MED1: variants seen among roughly 807,000 people sequenced by gnomAD.
MED1 encodes the protein mediator of RNA polymerase II transcription subunit 1.
Under a neutral mutation model 121.3 loss-of-function variants are expected in MED1, and 17 were observed. That is an observed-to-expected ratio of 0.14 (90% CI 0.10 to 0.21). MED1 has a LOEUF of 0.21. Among genes scored for constraint, MED1 ranks in the 10% least tolerant of loss-of-function variants. The pLI is 1.00. For synonymous variants in MED1, 661 were observed against 694.4 expected (o/e 0.95, Z 0.76); for missense variants, 1,558 against 1,919.4 (o/e 0.81, Z 3.52).
At chr17:39,443,970 T>A (rs1254824688) in intron 2 of MED1, among the ~76,000 whole-genome samples, 2 of 151,756 alleles carry the variant, frequency 1.3e-5, no homozygotes, top group African/African-American at 4.8e-5. Flanking sequence ...TTCTATTTAG[T>A]CAAAAACAAA....
chr17:39,444,352 C>T (rs2048706192), intron 2 of MED1, among the ~76,000 whole-genome samples: 1 of 151,686 alleles, frequency 6.6e-6, no homozygotes, highest in African/African-American at 2.4e-5. Flanking sequence ...ACTAAAAATA[C>T]AAAAATTATC....
Position 39,410,601 on chromosome 17 carries a change from C to G in MED1, c.1620G>C (p.Leu540=). Reference sequence around the variant, plus strand: ...CATACCCTGGGCTGCTAGCCGGGGGCAGGTTCTTTTTCACCATGTCTTCAA... The same window carrying G: ...CATACCCTGGGCTGCTAGCCGGGGGGAGGTTCTTTTTCACCATGTCTTCAA... ...ETVEDMVKKN[L]PPASSPGYGM... The change falls in exon 17 of 17, where the codon CTG becomes CTC. Residue 540 remains leucine (L), a synonymous_variant. Coordinates refer to ENST00000300651, the MANE Select transcript of MED1 (RefSeq NM_004774.4). 6.2e-7 allele frequency: 1 copy of G among 1,614,150 alleles called. No homozygotes were observed. The highest frequency in any genetic ancestry group is 8.5e-7 in the Non-Finnish European group (1 of 1,180,036).
At chr17:39,441,302 G>C (rs567478953) in intron 3 of MED1, among the ~76,000 whole-genome samples, 2 of 152,276 alleles carry the variant, frequency 1.3e-5, no homozygotes, top group African/African-American at 4.8e-5. Flanking sequence ...GCCAGGGACT[G>C]GGGGAAGGCG....
Position 39,440,734 on chromosome 17 carries a change from T to C in MED1, c.212-57A>G, listed in dbSNP as rs780591029. On this transcript the variant is annotated intron_variant, in intron 3 of 16. Coordinates refer to ENST00000300651, the MANE Select transcript of MED1 (RefSeq NM_004774.4). The surrounding 1 kb of genome is among the most constrained non-coding windows in gnomAD (Gnocchi z 4.1). Reference sequence around the variant, plus strand: ...AATGCTCCAAATGACTTAAATGATATTCTTTTAAGACAGAAAGATTCATCC... The same window carrying C: ...AATGCTCCAAATGACTTAAATGATACTCTTTTAAGACAGAAAGATTCATCC... The C allele has an allele frequency of 3.0e-4, 428 of 1,446,594 alleles. No individual in the cohort carries two copies. The highest frequency in any genetic ancestry group is 4.7e-4 in the Admixed American group (25 of 52,968). 89.6% of individuals were successfully genotyped at this position (1,446,594 alleles called of 1,614,324 possible).
intron 16 of MED1, 28 bp downstream of exon 16, chr17:39,414,998 G>C (rs763049736): frequency 1.3e-6 from 2 of 1,586,404 alleles, no homozygotes; most frequent in East Asian, 4.5e-5. Context: ...CTCTAAATGG[G>C]ACTCAGATGA....
At chr17:39,439,048 T>C in intron 6 of MED1, 117 bp downstream of exon 6, 1 of 918,172 alleles carries the variant, frequency 1.1e-6, no homozygotes, top group South Asian at 1.5e-5. Flanking sequence ...TTAAAAATCT[T>C]TGCCCAAGAA....
intron 3 of MED1, among the ~76,000 whole-genome samples, chr17:39,442,407 C>A (rs535366049): frequency 1.4e-4 from 21 of 151,612 alleles, no homozygotes; most frequent in South Asian, 1.3e-3. Context: ...ACTATCCTGG[C>A]TAACACGGTG....
At position 39,404,472 on chromosome 17, in the gene MED1, G is replaced by C. The variant is rs1323562869; in HGVS notation, c.*3003C>G. 1 of 152,170 alleles carries C rather than the reference G, an allele frequency of 6.6e-6. No individual in the cohort carries two copies. Among genetic ancestry groups the C allele is most frequent in the East Asian group, 1.9e-4 (1 of 5,338 alleles). The allele number at this position is 152,170 out of a possible 1,614,324, so 9.4% of individuals were successfully genotyped here. On this transcript the variant is annotated 3_prime_UTR_variant, in exon 17 of 17. Transcript: ENST00000300651. ...TTTTTTTAAAAAAAGACCCTCCCCA[G>C]CTGCTCCTGATGTACATTTTTAAAC... is the stretch of plus-strand genomic sequence containing the variant.
intron 16 of MED1, among the ~76,000 whole-genome samples, chr17:39,412,153 C>A (rs2048361442): frequency 6.6e-6 from 1 of 151,728 alleles, no homozygotes; most frequent in Non-Finnish European, 1.5e-5. Flanking sequence ...TTTTTATTTT[C>A]CAGATAAATT....
In MED1 at chr17:39,423,414, A is replaced by G. The variant is rs568453730; in HGVS notation, c.1008T>C (p.Tyr336=). The G allele has an allele frequency of 5.0e-6, 8 of 1,613,848 alleles. No homozygotes were observed. The highest frequency in any genetic ancestry group is 2.2e-5 in the East Asian group (1 of 44,876). ...GAGTGATCAGTTCATACAGGGGTGCATAAGTTGGTTGAGTTTCAAACAATG... is the reference window on the plus strand; with the variant it reads ...GAGTGATCAGTTCATACAGGGGTGCGTAAGTTGGTTGAGTTTCAAACAATG... ...GIPLFETQPT[Y]APLYELITQF... is the part of the protein sequence containing the mutation. The change falls in exon 13 of 17, where the codon TAT becomes TAC. Residue 336 remains tyrosine, a synonymous_variant. Transcript: ENST00000300651.
intron 10 of MED1, among the ~76,000 whole-genome samples, chr17:39,425,552 C>T (rs36064019): frequency 0.62 from 94,015 of 151,916 alleles, 32,232 homozygotes; most frequent in South Asian, 0.89. Context: ...GCCTGTAATC[C>T]CAGCACTTTG....
chr17:39,443,543 C>A lies in MED1; in HGVS notation c.211+7G>T. ...GAAATCAGCATATTTCAAAAGTGTT[C>A]ACAAACCTTTGAGAGCCTTCTGCAA... On this transcript the variant is annotated splice_region_variant and intron_variant, in intron 3 of 16. Coordinates refer to ENST00000300651, the MANE Select transcript of MED1 (RefSeq NM_004774.4). The A allele has an allele frequency of 6.2e-7, 1 of 1,610,452 alleles. No individual in the cohort carries two copies.
chr17:39,428,240 T>G (rs1456209120), intron 9 of MED1, among the ~76,000 whole-genome samples: 1 of 151,996 alleles, frequency 6.6e-6, no homozygotes, highest in African/African-American at 2.4e-5. Context: ...ATCCCACAAC[T>G]TTGGGAGGCC....
rs1265236885 is a variant in MED1 at position 39,406,618 on chromosome 17, T to C, written c.*857A>G. On this transcript the variant is annotated 3_prime_UTR_variant, in exon 17 of 17. Coordinates refer to ENST00000300651, the MANE Select transcript of MED1 (RefSeq NM_004774.4). ...ACAAGTCAATACCTCCACAGAGAGG[T>C]AACTCCTAATATTCCTATGATCTCT... 1.0e-6 allele frequency: 1 copy of C among 981,774 alleles called. No homozygotes were observed. The highest frequency in any genetic ancestry group is 1.8e-5 in the African/African-American group (1 of 56,240). 60.8% of individuals were successfully genotyped at this position (981,774 alleles called of 1,614,324 possible).
Position 39,434,133 on chromosome 17 carries a change from A to C in MED1, c.500+116T>G, listed in dbSNP as rs187799820. 3.5e-5 allele frequency: 23 copies of C among 652,088 alleles called. No homozygotes were observed. The East Asian group carries it at 7.0e-4, about 20-fold the overall frequency. 40.4% of individuals were successfully genotyped at this position (652,088 alleles called of 1,614,324 possible). A position where few individuals can be genotyped will look rare whatever the true frequency, so the allele number is the denominator to read the frequency against. On this transcript the variant is annotated intron_variant, in intron 7 of 16. Coordinates refer to ENST00000300651, the MANE Select transcript of MED1 (RefSeq NM_004774.4). ...GAAGCTGAGCTACAGATTGCAGTAT[A>C]AGTAGAAACTAGGAGTGACAAACAG...
In MED1 at chr17:39,406,517, C is replaced by G; in HGVS notation, c.*958G>C. ...GAAGGCTGTCCTACACTAAACCTTA[C>G]TGCATCTGAAAACATGTTTACATCC... On this transcript the variant is annotated 3_prime_UTR_variant, in exon 17 of 17. Transcript: ENST00000300651. 2 of 984,670 alleles carry G rather than the reference C, an allele frequency of 2.0e-6. No individual in the cohort carries two copies. Among genetic ancestry groups the G allele is most frequent in the Non-Finnish European group, 2.4e-6 (2 of 829,866 alleles). The allele number at this position is 984,670 out of a possible 1,614,324, so 61.0% of individuals were successfully genotyped here.
chr17:39,407,034 T>C lies in MED1; in HGVS notation c.*441A>G, dbSNP rs1054021681. 7 of 987,740 alleles carry C rather than the reference T, an allele frequency of 7.1e-6. No homozygotes were observed. Among genetic ancestry groups the C allele is most frequent in the African/African-American group, 1.7e-5 (1 of 57,284 alleles). 61.2% of individuals were successfully genotyped at this position (987,740 alleles called of 1,614,324 possible). On this transcript the variant is annotated 3_prime_UTR_variant, in exon 17 of 17. Coordinates refer to ENST00000300651, the MANE Select transcript of MED1 (RefSeq NM_004774.4). Reference sequence around the variant, plus strand: ...CTCAAACAAAGTTGAACAACCTTCATGCAAATGCATCAAGGAATGTATTGC... The same window carrying C: ...CTCAAACAAAGTTGAACAACCTTCACGCAAATGCATCAAGGAATGTATTGC...
chr17:39,422,127 C>CA lies in MED1; in HGVS notation c.1095+1199dup, dbSNP rs34447753. Among the ~76,000 whole-genome samples, 150 of 130,112 alleles carry CA rather than the reference C, an allele frequency of 1.2e-3. 1 individual carries two copies. Among genetic ancestry groups the CA allele is most frequent in the Middle Eastern group, 8.2e-3 (2 of 244 alleles). The allele number at this position is 130,112 out of a possible 152,430, so 85.4% of individuals were successfully genotyped here. On this transcript the variant is annotated intron_variant, in intron 13 of 16. Coordinates refer to ENST00000300651, the MANE Select transcript of MED1 (RefSeq NM_004774.4). ...TGGGCGACACAGCAAGACTCCGTCT[C>CA]AAAAAAAAAAAAAAAAGTCTATCAC... is the stretch of plus-strand genomic sequence containing the variant.
At chr17:39,414,958 G>A (rs1036613512) in intron 16 of MED1, 68 bp downstream of exon 16, 25 of 1,410,566 alleles carry the variant, frequency 1.8e-5, no homozygotes, top group Admixed American at 1.0e-4. Context: ...GTGAGCCACC[G>A]CGCCCTACTC....
Sources: gnomAD v4.1 joint callset for allele counts (sites outside exome capture counted in the v4.1 genomes callset) on GRCh38, gnomAD v4.1.1 for gene constraint, Gnocchi (gnomAD v3.1) non-coding constraint, MANE v1.5 for transcripts, NCBI Gene and HGNC (gene_info 2026-07-23, HGNC 2026-07-21) for gene names.